Variants in TFAP2D observed in about 807,000 individuals in gnomAD.
The protein encoded by TFAP2D is transcription factor AP-2-delta.
TFAP2D carries 9 observed loss-of-function variants against 43.6 expected under a neutral mutation model. That is an observed-to-expected ratio of 0.21 (90% CI 0.12 to 0.36). The LOEUF (loss-of-function observed/expected upper bound fraction) is 0.36. TFAP2D is among the 10% of genes least tolerant of loss of function. The probability of loss-of-function intolerance (pLI) is 1.00; values close to 1 mark genes in which losing one functional copy is unlikely to be tolerated. For missense variants in TFAP2D, 513 were observed against 561.4 expected (o/e 0.91, Z 0.87); for synonymous variants, 256 against 224.9 (o/e 1.14, Z -1.24).
At chr6:50,741,206 A>G (rs145616045) in intron 5 of TFAP2D, among the ~76,000 whole-genome samples, 22 of 152,272 alleles carry the variant, frequency 1.4e-4, no homozygotes, top group Non-Finnish European at 2.6e-4. Context: ...CGTGGCACAT[A>G]CAGCCTAAAG....
intron 7 of TFAP2D, among the ~76,000 whole-genome samples, chr6:50,767,194 C>A (rs757464246): frequency 1.3e-5 from 2 of 152,162 alleles, no homozygotes; most frequent in African/African-American, 2.4e-5. Context: ...ATAGTTCTGT[C>A]TAGGACTGCC....
rs570503372 is a variant in TFAP2D at position 50,768,895 on chromosome 6, C to T, written c.1140-3750C>T. On this transcript the variant is annotated intron_variant, in intron 7 of 7. Coordinates refer to ENST00000008391, the MANE Select transcript of TFAP2D (RefSeq NM_172238.4). ...ATTGATTTTAGAGTTCTTTGTTGAA[C>T]GAAGTGGCTTTTTTTTTTTTTTTTT... Among the ~76,000 whole-genome samples, 113 of 142,778 alleles carry T rather than the reference C, an allele frequency of 7.9e-4. 2 individuals carry two copies. The South Asian group carries it at 0.023, about 30-fold the overall frequency. The allele number at this position is 142,778 out of a possible 152,430, so 93.7% of individuals were successfully genotyped here.
intron 5 of TFAP2D, among the ~76,000 whole-genome samples, chr6:50,740,552 C>G (rs1001382472): frequency 6.6e-6 from 1 of 152,098 alleles, no homozygotes; most frequent in Non-Finnish European, 1.5e-5. Flanking sequence ...TCTGCCTCAG[C>G]CTTCTGAGTA....
intron 7 of TFAP2D, among the ~76,000 whole-genome samples, chr6:50,767,860 G>A (rs1400553426): frequency 6.6e-6 from 1 of 152,184 alleles, no homozygotes; most frequent in Non-Finnish European, 1.5e-5. Flanking sequence ...TATGACCTGT[G>A]AATCCTCTAT....
chr6:50,728,822 T>C lies in TFAP2D; in HGVS notation c.599-34T>C, dbSNP rs549720384. 7 of 1,607,232 alleles carry C rather than the reference T, an allele frequency of 4.4e-6. No homozygotes were observed. The East Asian group carries it at 1.6e-4, about 36-fold the overall frequency. ...CTCATGCAGTTAGCTTCTTTCACTGTCACTAACATGTTATATACTTTTTTT... is the reference window on the plus strand; with the variant it reads ...CTCATGCAGTTAGCTTCTTTCACTGCCACTAACATGTTATATACTTTTTTT... On this transcript the variant is annotated intron_variant, in intron 3 of 7. Coordinates refer to ENST00000008391, the MANE Select transcript of TFAP2D (RefSeq NM_172238.4).
At chr6:50,772,022 GA>G (rs995091783) in intron 7 of TFAP2D, among the ~76,000 whole-genome samples, 1 of 152,134 alleles carries the variant, frequency 6.6e-6, no homozygotes, top group South Asian at 2.1e-4. Context: ...ACTGGATTAA[GA>G]AAATGTGGCA....
intron 3 of TFAP2D, among the ~76,000 whole-genome samples, chr6:50,723,881 A>G (rs1223714897): frequency 6.6e-6 from 1 of 152,110 alleles, no homozygotes; most frequent in Non-Finnish European, 1.5e-5. Context: ...CTACCGCCAC[A>G]TTAAACCAGC....
At chr6:50,720,530 CACACACA>C (rs1768703638) in intron 3 of TFAP2D, among the ~76,000 whole-genome samples, 3 of 132,488 alleles carry the variant, frequency 2.3e-5, no homozygotes, top group Admixed American at 1.5e-4. Context: ...CACACACACA[CACACACA>C]CATATACGTG....
rs1768565237 is a variant in TFAP2D, at chr6:50,713,654, C to CA, written c.-401dup. 6.6e-6 allele frequency among the ~76,000 whole-genome samples: 1 copy of CA among 152,184 alleles called. No homozygotes were observed. The highest frequency in any genetic ancestry group is 2.1e-4 in the South Asian group (1 of 4,818). ...TGGATAAAAATGTTGAAAGAACCTC[C>CA]AGTTCCTTATTAGGCGAAGATACAA... On this transcript the variant is annotated 5_prime_UTR_variant, in exon 1 of 8. It removes the in-frame stop codon of an upstream open reading frame in the 5' UTR. Coordinates refer to ENST00000008391, the MANE Select transcript of TFAP2D (RefSeq NM_172238.4).
Position 50,772,880 on chromosome 6 carries a change from T to A in TFAP2D, c.*16T>A. On this transcript the variant is annotated 3_prime_UTR_variant, in exon 8 of 8. Coordinates refer to ENST00000008391, the MANE Select transcript of TFAP2D (RefSeq NM_172238.4). ...GACAGACTAGCTACATCAAACAGAA[T>A]CTATTTCCAGAGAGTCTTGCTGCTG... The A allele has an allele frequency of 6.2e-7, 1 of 1,600,074 alleles. No homozygotes were observed. The highest frequency in any genetic ancestry group is 8.5e-7 in the Non-Finnish European group (1 of 1,172,594).
At chr6:50,762,732 G>A (rs1209071546) in intron 7 of TFAP2D, among the ~76,000 whole-genome samples, 1 of 152,082 alleles carries the variant, frequency 6.6e-6, no homozygotes, top group Non-Finnish European at 1.5e-5. Context: ...AACTACACTA[G>A]TCTGAGTTTT....
chr6:50,751,735 G>A (rs529196961), intron 7 of TFAP2D, among the ~76,000 whole-genome samples: 2 of 151,978 alleles, frequency 1.3e-5, no homozygotes, highest in Admixed American at 1.3e-4. Context: ...TTGCATTGGA[G>A]ATTAGGTTTC....
intron 7 of TFAP2D, among the ~76,000 whole-genome samples, chr6:50,756,737 C>T (rs1581775563): frequency 6.6e-6 from 1 of 151,918 alleles, no homozygotes; most frequent in African/African-American, 2.4e-5. Context: ...GCAGACACCA[C>T]AACACAAACG....
chr6:50,730,387 A>G (rs1319373318), intron 5 of TFAP2D, among the ~76,000 whole-genome samples: 1 of 152,082 alleles, frequency 6.6e-6, no homozygotes, highest in Non-Finnish European at 1.5e-5. Flanking sequence ...ACTGACATTT[A>G]CTGTGTTACT....
chr6:50,727,984 C>T (rs1443061863), intron 3 of TFAP2D, among the ~76,000 whole-genome samples: 1 of 152,154 alleles, frequency 6.6e-6, no homozygotes, highest in Admixed American at 6.5e-5. Context: ...GGAACATACA[C>T]TGTTGTTCCT....
intron 6 of TFAP2D, among the ~76,000 whole-genome samples, chr6:50,748,535 A>T (rs1769156705): frequency 6.6e-6 from 1 of 151,886 alleles, no homozygotes; most frequent in African/African-American, 2.4e-5. Flanking sequence ...ATACAATTGT[A>T]TAAAGGGCCT....
intron 2 of TFAP2D, among the ~76,000 whole-genome samples, chr6:50,718,553 T>C (rs538309798): frequency 2.6e-4 from 40 of 152,286 alleles, no homozygotes; most frequent in African/African-American, 9.1e-4. Flanking sequence ...AGGCCTACAG[T>C]GAGTGAACCT....
rs560277664 is a variant in TFAP2D at position 50,766,341 on chromosome 6, T to G, written c.1140-6304T>G. 1.4e-4 allele frequency among the ~76,000 whole-genome samples: 22 copies of G among 152,278 alleles called. No homozygotes were observed. In the South Asian group the frequency reaches 1.7e-3, roughly 11 times the overall value. On this transcript the variant is annotated intron_variant, in intron 7 of 7. Coordinates refer to ENST00000008391, the MANE Select transcript of TFAP2D (RefSeq NM_172238.4). Reference sequence around the variant, plus strand: ...TGTTTCTCAAGATTGCTTTGGCTATTTAGGGTCTTTCATGGTTCCCAATGA... The same window carrying G: ...TGTTTCTCAAGATTGCTTTGGCTATGTAGGGTCTTTCATGGTTCCCAATGA...
intron 1 of TFAP2D, among the ~76,000 whole-genome samples, 183 bp from the exon 2 acceptor site, chr6:50,714,933 G>A (rs1024579639): frequency 1.3e-5 from 2 of 152,032 alleles, no homozygotes; most frequent in Non-Finnish European, 2.9e-5. Context: ...CCCCCAGTTC[G>A]CCTGTTTGCA....
Sources: allele counts gnomAD v4.1 joint callset (sites outside exome capture counted in the v4.1 genomes callset), GRCh38; gene constraint gnomAD v4.1.1; transcripts MANE v1.5; gene names NCBI Gene and HGNC (gene_info 2026-07-23, HGNC 2026-07-21).